ACBD5: variants seen among roughly 807,000 people sequenced by gnomAD.
ACBD5 encodes acyl-CoA binding domain containing 5, also known as acyl-CoA-binding domain-containing protein 5.
A neutral mutation model predicts 71.8 loss-of-function variants in ACBD5; 40 were observed. That is an observed-to-expected ratio of 0.56 (90% CI 0.43 to 0.72). The LOEUF is 0.72. Ranked by LOEUF, ACBD5 falls within the 30% of genes least tolerant of loss-of-function variation. The pLI is 0.00. For synonymous variants in ACBD5, 229 were observed against 218.6 expected (o/e 1.05, Z -0.42); for missense variants, 559 against 644.5 (o/e 0.87, Z 1.44).
At chr10:27,186,400 T>C (rs1485009401) in intron 13 of ACBD5, 5 of 1,614,062 alleles carry the variant, frequency 3.1e-6, no homozygotes, top group Non-Finnish European at 4.2e-6. Flanking sequence ...CATCCTCTCT[T>C]CAGTGATGTG....
At chr10:27,220,999 C>G (rs1273299133) in intron 5 of ACBD5, among the ~76,000 whole-genome samples, 1 of 152,200 alleles carries the variant, frequency 6.6e-6, no homozygotes, top group Non-Finnish European at 1.5e-5. Flanking sequence ...TATGCTTTCA[C>G]ATATGTGAAA....
chr10:27,205,190 T>C lies in ACBD5; in HGVS notation c.1455+8A>G. ...CCTGGCATTTAAATTTTTTAAAAAA[T>C]GTCTTACCTGTGAGGTGGGCTGAGG... On this transcript the variant is annotated splice_region_variant and intron_variant, in intron 11 of 12. Transcript: ENST00000396271. 1 of 1,611,636 alleles carries C rather than the reference T, an allele frequency of 6.2e-7. No individual in the cohort carries two copies. The highest frequency in any genetic ancestry group is 1.8e-4 in the Middle Eastern group (1 of 5,674).
At chr10:27,191,647 A>G (rs1369590084), downstream of ACBD5, among the ~76,000 whole-genome samples, 1 of 152,154 alleles carries the variant, frequency 6.6e-6, no homozygotes, top group Non-Finnish European at 1.5e-5. Context: ...ACTTTGGGAG[A>G]TCGAGGCAGG....
intron 7 of ACBD5, among the ~76,000 whole-genome samples, chr10:27,216,629 G>A (rs988867382): frequency 2.6e-5 from 4 of 152,040 alleles, no homozygotes; most frequent in African/African-American, 4.8e-5. Context: ...ACTGAGAGAC[G>A]AATTTGATTT....
chr10:27,194,383 G>A (rs1275476652), downstream of ACBD5, among the ~76,000 whole-genome samples: 1 of 151,760 alleles, frequency 6.6e-6, no homozygotes, highest in Admixed American at 6.6e-5. Flanking sequence ...GGCAGAGGCA[G>A]GAAGATCACC....
Position 27,195,627 on chromosome 10 carries a change from T to C in ACBD5, c.*1803A>G. On this transcript the variant is annotated 3_prime_UTR_variant, in exon 13 of 13. Transcript: ENST00000396271. ...ATTTTTACATATAAATTCAGTTGCT[T>C]GCTTCACTTTTTCCTAAATAAATAG... 1 of 423,882 alleles carries C rather than the reference T, an allele frequency of 2.4e-6. No homozygotes were observed. Among genetic ancestry groups the C allele is most frequent in the South Asian group, 1.7e-5 (1 of 57,792 alleles). 26.3% of individuals were successfully genotyped at this position (423,882 alleles called of 1,614,324 possible). A position where few individuals can be genotyped will look rare whatever the true frequency, so the allele number is the denominator to read the frequency against.
At chr10:27,241,093 G>A (rs2065447540), upstream of ACBD5, among the ~76,000 whole-genome samples, 1 of 152,240 alleles carries the variant, frequency 6.6e-6, no homozygotes, top group South Asian at 2.1e-4. Context: ...CTGGGGATGC[G>A]CGGTTGGGTT....
chr10:27,199,100 C>T (rs2059651824), intron 12 of ACBD5, among the ~76,000 whole-genome samples: 1 of 151,232 alleles, frequency 6.6e-6, no homozygotes, highest in South Asian at 2.1e-4. Flanking sequence ...CACAGCAAGA[C>T]TCTGTCTCAA....
chr10:27,193,530 A>T (rs906881686), downstream of ACBD5: 2 of 152,224 alleles, frequency 1.3e-5, no homozygotes, highest in Non-Finnish European at 2.9e-5. Flanking sequence ...AAATATAACT[A>T]TGAGAGCCAG....
At chr10:27,231,634 C>A in intron 4 of ACBD5, 114 bp downstream of exon 4, 1 of 876,842 alleles carries the variant, frequency 1.1e-6, no homozygotes, top group Non-Finnish European at 1.9e-6. Flanking sequence ...AATCTAGATT[C>A]TATTGTATAA....
chr10:27,198,996 C>T (rs928010112), intron 12 of ACBD5, among the ~76,000 whole-genome samples: 15 of 151,828 alleles, frequency 9.9e-5, no homozygotes, highest in Non-Finnish European at 1.8e-4. Context: ...ATAGTCCCAG[C>T]TACTTGGGAG....
In ACBD5 at chr10:27,196,493, A is replaced by T; in HGVS notation, c.*937T>A. 1 of 454,542 alleles carries T rather than the reference A, an allele frequency of 2.2e-6. No individual in the cohort carries two copies. Among genetic ancestry groups the T allele is most frequent in the Non-Finnish European group, 4.4e-6 (1 of 226,798 alleles). 28.2% of individuals were successfully genotyped at this position (454,542 alleles called of 1,614,324 possible). On this transcript the variant is annotated 3_prime_UTR_variant, in exon 13 of 13. Transcript: ENST00000396271. ...TATACCCCGAAGGAAAAACTGAGGCACTAAGAGGTTAAGAGTCCAGTCTAT... is the reference window on the plus strand; with the variant it reads ...TATACCCCGAAGGAAAAACTGAGGCTCTAAGAGGTTAAGAGTCCAGTCTAT...
rs369916275 is a variant in ACBD5 at position 27,186,504 on chromosome 10, C to T, written c.1494-3789G>A. ...CTATTTTGAAGCCAGGAATACTGCTCAGCACCTGACTGTATCTGGATTTAG... is the reference window on the plus strand; with the variant it reads ...CTATTTTGAAGCCAGGAATACTGCTTAGCACCTGACTGTATCTGGATTTAG... On this transcript the variant is annotated intron_variant, in intron 13 of 13. Transcript: ENST00000676511. The T allele has an allele frequency of 2.5e-6, 4 of 1,613,964 alleles. No individual in the cohort carries two copies. The African/African-American group carries it at 4.0e-5, about 16-fold the overall frequency.
intron 12 of ACBD5, among the ~76,000 whole-genome samples, chr10:27,197,666 G>A (rs990544526): frequency 1.3e-5 from 2 of 151,992 alleles, no homozygotes; most frequent in African/African-American, 4.8e-5. Context: ...TATTTACTGG[G>A]GCAAAGTCTT....
At chr10:27,232,583 T>C (rs573779691) in intron 3 of ACBD5, among the ~76,000 whole-genome samples, 2 of 152,134 alleles carry the variant, frequency 1.3e-5, no homozygotes, top group African/African-American at 4.8e-5. Context: ...TGTTTTGACC[T>C]CCCAAAGTGC....
At chr10:27,226,484 ACAC>A (rs1299236353) in intron 4 of ACBD5, among the ~76,000 whole-genome samples, 1 of 144,312 alleles carries the variant, frequency 6.9e-6, no homozygotes, top group Non-Finnish European at 1.5e-5. Flanking sequence ...ACACACACAC[ACAC>A]AAGCAGACAC....
At chr10:27,235,799 A>G (rs1247942653) in intron 2 of ACBD5, among the ~76,000 whole-genome samples, 1 of 152,152 alleles carries the variant, frequency 6.6e-6, no homozygotes, top group Non-Finnish European at 1.5e-5. Context: ...TAGCATATCT[A>G]TAGTTTTTCT....
chr10:27,233,034 GAAAGT>G (rs2064105726), intron 3 of ACBD5, among the ~76,000 whole-genome samples: 1 of 152,032 alleles, frequency 6.6e-6, no homozygotes, highest in African/African-American at 2.4e-5. Flanking sequence ...GATCTTAAAG[GAAAGT>G]AGAGAACTAA....
At chr10:27,192,074 C>T (rs1254641328), downstream of ACBD5, among the ~76,000 whole-genome samples, 1 of 151,830 alleles carries the variant, frequency 6.6e-6, no homozygotes, top group African/African-American at 2.4e-5. Context: ...ACAAAATCAA[C>T]AAACCTTTAG....
Sources: allele counts gnomAD v4.1 joint callset (sites outside exome capture counted in the v4.1 genomes callset), GRCh38; gene constraint gnomAD v4.1.1; transcripts MANE v1.5; gene names NCBI Gene and HGNC (gene_info 2026-07-23, HGNC 2026-07-21).